The following RABGAP1 variants were observed in gnomAD, a reference collection of about 807,000 sequenced individuals.
RABGAP1 encodes rab GTPase-activating protein 1.
In RABGAP1, 23 loss-of-function variants were observed where a neutral mutation model predicts 137.6. The ratio of observed to expected loss-of-function variants is 0.17; its 90% CI spans 0.12 to 0.24. The LOEUF is 0.24. Ranked by LOEUF, RABGAP1 falls within the 10% of genes least tolerant of loss-of-function variation. The pLI is 1.00. For missense variants in RABGAP1, 906 were observed against 1,275.8 expected, an observed-to-expected ratio of 0.71 and a Z score of 4.42; for synonymous variants, 451 against 450.7, an observed-to-expected ratio of 1.00 and a Z score of -0.01.
chr9:123,088,308 C>G (rs942532564), intron 19 of RABGAP1, among the ~76,000 whole-genome samples: 1 of 152,110 alleles, frequency 6.6e-6, no homozygotes, highest in African/African-American at 2.4e-5. Flanking sequence ...CCTTGGCCTC[C>G]CAAAGTGCTG....
At chr9:122,990,593 A>G (rs1283840035) in intron 6 of RABGAP1, 1 of 151,290 alleles carries the variant, frequency 6.6e-6, no homozygotes, top group African/African-American at 2.5e-5. Context: ...AACATGGAGA[A>G]ACCTTGTCTC....
chr9:123,102,803 G>A (rs1035783901), intron 25 of RABGAP1, among the ~76,000 whole-genome samples: 5 of 152,206 alleles, frequency 3.3e-5, no homozygotes, highest in African/African-American at 1.2e-4. Context: ...GATGTCACCA[G>A]AAATAGAGCA....
intron 13 of RABGAP1, among the ~76,000 whole-genome samples, chr9:123,046,045 C>T (rs1158098469): frequency 6.6e-6 from 1 of 152,192 alleles, no homozygotes; most frequent in Non-Finnish European, 1.5e-5. Flanking sequence ...GGTGTGCTTC[C>T]TTCTCTCAGG....
chr9:123,053,258 G>T (rs1350161897), intron 13 of RABGAP1, among the ~76,000 whole-genome samples: 1 of 152,080 alleles, frequency 6.6e-6, no homozygotes, highest in Non-Finnish European at 1.5e-5. Flanking sequence ...GACCATCTTG[G>T]TTTTACCCAG....
chr9:122,937,323 G>T (rs538088766), upstream of RABGAP1, among the ~76,000 whole-genome samples: 1 of 152,248 alleles, frequency 6.6e-6, no homozygotes, highest in Non-Finnish European at 1.5e-5. Flanking sequence ...AGGGCTGGGC[G>T]TGGGGTGGCT....
At chr9:122,997,457 C>A in intron 9 of RABGAP1, 96 bp downstream of exon 9, 1 of 772,484 alleles carries the variant, frequency 1.3e-6, no homozygotes. Flanking sequence ...CAGTGTTTAC[C>A]TAATTTTGAT....
chr9:122,958,700 A>G (rs1834678892), intron 2 of RABGAP1, among the ~76,000 whole-genome samples: 1 of 152,200 alleles, frequency 6.6e-6, no homozygotes. Flanking sequence ...ATTTTAAAAA[A>G]AAATTTTTGT....
intron 1 of RABGAP1, among the ~76,000 whole-genome samples, chr9:122,947,772 G>C (rs1016926659): frequency 2.7e-4 from 41 of 152,190 alleles, no homozygotes; most frequent in African/African-American, 7.2e-4. Flanking sequence ...GTTTTTTAAC[G>C]TAACCTGAAA....
intron 10 of RABGAP1, among the ~76,000 whole-genome samples, chr9:123,009,814 G>A (rs1326386842): frequency 6.6e-6 from 1 of 152,086 alleles, no homozygotes; most frequent in Non-Finnish European, 1.5e-5. Flanking sequence ...ACTCCAAGTT[G>A]TAGCTTTCAG....
intron 1 of RABGAP1, chr9:122,945,507 A>T (rs1484138725): frequency 6.6e-6 from 1 of 152,096 alleles, no homozygotes; most frequent in Non-Finnish European, 1.5e-5. Context: ...TGATCACTAT[A>T]CAGTGAAATA....
At chr9:123,031,352 C>A (rs561043599) in intron 13 of RABGAP1, among the ~76,000 whole-genome samples, 1 of 152,162 alleles carries the variant, frequency 6.6e-6, no homozygotes, top group African/African-American at 2.4e-5. Context: ...AAGTCTATGG[C>A]AAGTGTATAG....
In RABGAP1 at chr9:122,997,303, G is replaced by A. The variant is rs752208679; in HGVS notation, c.1146G>A (p.Thr382=). Residue 382 remains threonine, a synonymous_variant, in exon 9 of 26, where the codon ACG becomes ACA. Transcript: ENST00000373647. ...KSSDGKSYVI[T]GSWNPKSPHF... ...CAGATGGAAAGTCGTATGTTATTAC[G>A]GGGAGCTGGAATCCAAAATCCCCAC... is the stretch of plus-strand genomic sequence containing the variant. 11 of 1,611,468 alleles carry A rather than the reference G, an allele frequency of 6.8e-6. No homozygotes were observed. The highest frequency in any genetic ancestry group is 3.4e-5 in the Admixed American group (2 of 59,466).
intron 2 of RABGAP1, among the ~76,000 whole-genome samples, chr9:122,957,942 A>G (rs1834622434): frequency 2.0e-5 from 3 of 151,570 alleles, no homozygotes; most frequent in East Asian, 1.9e-4. Flanking sequence ...CATGTGCTCA[A>G]CAGCATCTCT....
At position 122,998,616 on chromosome 9, in the gene RABGAP1, C is replaced by A; in HGVS notation, c.1224C>A (p.Thr408=). Residue 408 remains threonine, a synonymous_variant, in exon 10 of 26, where the codon ACC becomes ACA. Coordinates refer to ENST00000373647, the MANE Select transcript of RABGAP1 (RefSeq NM_012197.4). The stretch of plus-strand genomic sequence containing the variant: ...GTTTAGATAAAGTCCTGTTTATGAC[C>A]ACAGCTGTAGATTTGGTAATAACAG... The part of the protein sequence containing the change: ...ETPKDKVLFM[T]TAVDLVITEV... 6.2e-7 allele frequency: 1 copy of A among 1,601,328 alleles called. No homozygotes were observed. The highest frequency in any genetic ancestry group is 1.1e-5 in the South Asian group (1 of 89,124).
At chr9:123,075,493 G>T (rs923658432) in intron 17 of RABGAP1, among the ~76,000 whole-genome samples, 1 of 152,112 alleles carries the variant, frequency 6.6e-6, no homozygotes, top group African/African-American at 2.4e-5. Context: ...AGAAACAGAA[G>T]AAATAAATAT....
chr9:123,002,909 C>A (rs1837404600), intron 10 of RABGAP1, among the ~76,000 whole-genome samples: 1 of 152,096 alleles, frequency 6.6e-6, no homozygotes, highest in Non-Finnish European at 1.5e-5. Context: ...TTGCAAAAAG[C>A]AGAAGTGTGT....
intron 6 of RABGAP1, among the ~76,000 whole-genome samples, chr9:122,995,349 T>C (rs1156473417): frequency 6.6e-6 from 1 of 152,184 alleles, no homozygotes; most frequent in Non-Finnish European, 1.5e-5. Context: ...TTCTTCATTA[T>C]ATGTTTAAGC....
At chr9:122,956,459 G>C (rs1834524141) in intron 1 of RABGAP1, among the ~76,000 whole-genome samples, 1 of 152,102 alleles carries the variant, frequency 6.6e-6, no homozygotes, top group Non-Finnish European at 1.5e-5. Flanking sequence ...GACCATCCTG[G>C]CTAACACGGT....
intron 1 of RABGAP1, among the ~76,000 whole-genome samples, chr9:122,950,689 G>C (rs1011973578): frequency 3.3e-5 from 5 of 152,064 alleles, no homozygotes; most frequent in Non-Finnish European, 5.9e-5. Context: ...TATACCTGGT[G>C]TCTGGCACAT....
Sources: gnomAD v4.1 joint callset for allele counts (sites outside exome capture counted in the v4.1 genomes callset) on GRCh38, gnomAD v4.1.1 for gene constraint, MANE v1.5 for transcripts, NCBI Gene and HGNC (gene_info 2026-07-23, HGNC 2026-07-21) for gene names.